Variants in KIF5B observed in about 807,000 individuals in gnomAD.
KIF5B encodes kinesin family member 5B.
Under a neutral mutation model 132.8 loss-of-function variants are expected in KIF5B, and 49 were observed. The observed-to-expected ratio is 0.37, with a 90% CI of 0.29 to 0.47. The LOEUF is 0.47. Among genes scored for constraint, KIF5B ranks in the 20% least tolerant of loss-of-function variants. The probability of loss-of-function intolerance (pLI) is 1.00; values close to 1 mark genes in which losing one functional copy is unlikely to be tolerated. For missense variants in KIF5B, 780 were observed against 1,144.0 expected, an observed-to-expected ratio of 0.68 and a Z score of 4.59; for synonymous variants, 355 against 369.4, an observed-to-expected ratio of 0.96 and a Z score of 0.45.
In KIF5B at chr10:32,022,943, G is replaced by A. The variant is rs758805436; in HGVS notation, c.1819C>T (p.Arg607Cys). The stretch of plus-strand genomic sequence containing the variant: ...TGTGTGCTTTCTAACTGCTTGCAAC[G>A]TTTCACCATGGTTTTTACTTCTGAC... ...MKSEVKTMVKRCKQLESTQTE... is the reference protein window; with the variant it reads ...MKSEVKTMVKCCKQLESTQTE... Residue 607 changes from arginine to cysteine, a missense_variant, in exon 16 of 26, where the codon CGT (arginine) becomes TGT (cysteine). By Grantham distance (180) the Arg-to-Cys change is radical. This residue lies in a region of KIF5B where 471 missense variants were observed against 569.9 expected (regional missense o/e 0.83). Transcript: ENST00000302418. The A allele has an allele frequency of 7.4e-6, 12 of 1,612,976 alleles. No homozygotes were observed. The highest frequency in any genetic ancestry group is 9.3e-6 in the Non-Finnish European group (11 of 1,179,292).
chr10:32,037,063 AAAC>A (rs1841469935), intron 8 of KIF5B, among the ~76,000 whole-genome samples, 188 bp downstream of exon 8: 1 of 152,194 alleles, frequency 6.6e-6, no homozygotes, highest in Non-Finnish European at 1.5e-5. Context: ...GAGTATGGTC[AAAC>A]AACAGTAACT....
At chr10:32,012,126 T>C (rs1841091309) in intron 25 of KIF5B, among the ~76,000 whole-genome samples, 1 of 152,214 alleles carries the variant, frequency 6.6e-6, no homozygotes, top group Admixed American at 6.5e-5. Context: ...GTATTATAAA[T>C]GTCATCCTTT....
intron 3 of KIF5B, 27 bp from the exon 4 acceptor site, chr10:32,039,458 TTAAA>T (rs748973111): frequency 4.6e-5 from 44 of 951,174 alleles, no homozygotes; most frequent in Non-Finnish European, 6.3e-5. Context: ...ACTAGACTTC[TTAAA>T]TAAATTATAA....
At chr10:32,055,759 T>G in intron 1 of KIF5B, 89 bp downstream of exon 1, 1 of 1,517,754 alleles carries the variant, frequency 6.6e-7, no homozygotes, top group Non-Finnish European at 8.9e-7. Context: ...GCCGCTCCCT[T>G]TCAATTCTGC....
intron 3 of KIF5B, 55 bp downstream of exon 3, chr10:32,040,329 A>C: frequency 1.0e-6 from 1 of 997,042 alleles, no homozygotes; most frequent in Non-Finnish European, 1.6e-6. Context: ...TATCACAAAT[A>C]ATGAATGCTG....
rs1841483285 is a variant in KIF5B at position 32,038,038 on chromosome 10, A to C, written c.498+125T>G. The C allele has an allele frequency of 5.5e-6, 3 of 545,446 alleles. No individual in the cohort carries two copies. The Admixed American group carries it at 9.7e-5, about 18-fold the overall frequency. 33.8% of individuals were successfully genotyped at this position (545,446 alleles called of 1,614,324 possible). A position where few individuals can be genotyped will look rare whatever the true frequency, so the allele number is the denominator to read the frequency against. On this transcript the variant is annotated intron_variant, in intron 6 of 25. Coordinates refer to ENST00000302418, the MANE Select transcript of KIF5B (RefSeq NM_004521.3). The stretch of plus-strand genomic sequence containing the variant: ...GGCAGGAGAACTGCTTGAACCCTGG[A>C]GGCAGAGGTTGCAGTGAGCCGAGAT...
Position 32,022,027 on chromosome 10 carries a change from C to T in KIF5B, c.2032+113G>A, listed in dbSNP as rs1198599548. 6.5e-6 allele frequency: 4 copies of T among 616,732 alleles called. No individual in the cohort carries two copies. The Admixed American group carries it at 1.1e-4, about 17-fold the overall frequency. 38.2% of individuals were successfully genotyped at this position (616,732 alleles called of 1,614,324 possible). The stretch of plus-strand genomic sequence containing the variant: ...AACATTAATATGTATGATTTGTTTA[C>T]CATTCGAAATCAGCCATATTCCTAC... On this transcript the variant is annotated intron_variant, in intron 17 of 25. Transcript: ENST00000302418.
chr10:32,017,105 T>C (rs1272013680), intron 24 of KIF5B, 38 bp downstream of exon 24: 10 of 1,519,598 alleles, frequency 6.6e-6, no homozygotes, highest in Middle Eastern at 1.7e-4. Context: ...AGCATTCAAA[T>C]TGAGCAAGGT....
intron 2 of KIF5B, 30 bp from the exon 3 acceptor site, chr10:32,040,487 A>G (rs1841518689): frequency 7.6e-7 from 1 of 1,317,420 alleles, no homozygotes. Flanking sequence ...AGTTCAGGGG[A>G]TTTTTTCCTT....
intron 15 of KIF5B, 126 bp downstream of exon 15, chr10:32,028,302 T>A: frequency 2.8e-6 from 2 of 710,656 alleles, no homozygotes; most frequent in Non-Finnish European, 4.5e-6. Flanking sequence ...GTTAATAACA[T>A]CTACTACACG....
chr10:32,021,348 C>A, intron 17 of KIF5B, 61 bp from the exon 18 acceptor site: 1 of 1,205,180 alleles, frequency 8.3e-7, no homozygotes, highest in South Asian at 1.3e-5. Flanking sequence ...TCATATAAAC[C>A]AAGGAGCAAA....
At chr10:32,030,656 T>C (rs1482252949) in intron 14 of KIF5B, among the ~76,000 whole-genome samples, 1 of 152,216 alleles carries the variant, frequency 6.6e-6, no homozygotes, top group East Asian at 1.9e-4. Flanking sequence ...TCCAAATAAT[T>C]CACAGTTGAT....
At chr10:32,024,183 C>G (rs908115478) in intron 15 of KIF5B, among the ~76,000 whole-genome samples, 3 of 98,092 alleles carry the variant, frequency 3.1e-5, no homozygotes, top group Non-Finnish European at 5.4e-5. Context: ...GAGACGGAGT[C>G]TCGCTCTGTC....
chr10:32,023,337 CT>C (rs1332313562), intron 15 of KIF5B, among the ~76,000 whole-genome samples: 2 of 152,160 alleles, frequency 1.3e-5, no homozygotes, highest in Admixed American at 6.5e-5. Flanking sequence ...AATTCTGCCT[CT>C]TTCAATTTTT....
intron 1 of KIF5B, among the ~76,000 whole-genome samples, chr10:32,050,085 A>G (rs142431079): frequency 7.2e-5 from 11 of 152,292 alleles, no homozygotes; most frequent in Non-Finnish European, 5.9e-5. Flanking sequence ...TCCTAAAGGA[A>G]AGGAAGGAAG....
chr10:32,053,593 G>A (rs544234758), intron 1 of KIF5B, among the ~76,000 whole-genome samples: 6 of 151,860 alleles, frequency 4.0e-5, no homozygotes, highest in Middle Eastern at 3.4e-3. Flanking sequence ...GCGTGGTAGC[G>A]CGTGCCTGTA....
intron 15 of KIF5B, among the ~76,000 whole-genome samples, chr10:32,027,019 TTTTG>T (rs2132593015): frequency 6.7e-6 from 1 of 150,280 alleles, no homozygotes; most frequent in African/African-American, 2.4e-5. Context: ...CTTTTATTCT[TTTTG>T]TATTTTTTAA....
Position 32,034,931 on chromosome 10 carries a change from T to TA in KIF5B, c.963-94dup, listed in dbSNP as rs531707011. On this transcript the variant is annotated intron_variant, in intron 10 of 25. Transcript: ENST00000302418. ...TATATGTATATATGGCTAAGAAACTTATGCTTGTCCAGTAATCTCTTAGAC... is the reference window on the plus strand; with the variant it reads ...TATATGTATATATGGCTAAGAAACTTAATGCTTGTCCAGTAATCTCTTAGAC... 211 of 924,306 alleles carry TA rather than the reference T, an allele frequency of 2.3e-4. No individual in the cohort carries two copies. In the African/African-American group the frequency reaches 3.2e-3, roughly 14 times the overall value. The allele number at this position is 924,306 out of a possible 1,614,324, so 57.3% of individuals were successfully genotyped here. A position where few individuals can be genotyped will look rare whatever the true frequency, so the allele number is the denominator to read the frequency against.
intron 1 of KIF5B, among the ~76,000 whole-genome samples, chr10:32,050,440 G>A (rs1047432369): frequency 3.3e-5 from 5 of 152,194 alleles, no homozygotes; most frequent in Admixed American, 6.5e-5. Flanking sequence ...AGCTAAAACT[G>A]CCCTTTCTCC....
Sources: allele counts gnomAD v4.1 joint callset (sites outside exome capture counted in the v4.1 genomes callset), GRCh38; gene constraint gnomAD v4.1.1; regional missense constraint gnomAD v4.1.1; transcripts MANE v1.5; gene names NCBI Gene and HGNC (gene_info 2026-07-23, HGNC 2026-07-21).